Variants in PI4KA observed in about 807,000 individuals in gnomAD.
PI4KA encodes the protein phosphatidylinositol 4-kinase alpha, also known as PI4-kinase alpha.
PI4KA carries 122 observed loss-of-function variants against 271.4 expected under a neutral mutation model. The observed-to-expected ratio is 0.45, with a 90% CI of 0.39 to 0.52. The LOEUF (loss-of-function observed/expected upper bound fraction) is 0.52, where lower values mean the gene tolerates loss of function less well. PI4KA is among the 20% of genes least tolerant of loss of function. The pLI, the probability that PI4KA is intolerant of heterozygous loss-of-function variation, is 0.00. For missense variants in PI4KA, 1,969 were observed against 2,769.1 expected (o/e 0.71, Z 6.48); for synonymous variants, 1,041 against 1,078.8 (o/e 0.96, Z 0.69).
At chr22:20,790,885 T>A (rs1474148103) in intron 19 of PI4KA, among the ~76,000 whole-genome samples, 1 of 152,120 alleles carries the variant, frequency 6.6e-6, no homozygotes, top group Admixed American at 6.5e-5. Context: ...AATATAACCA[T>A]TAACTTTCAC....
rs1307642568 is a variant in PI4KA at position 20,803,333 on chromosome 22, A to G, written c.1462-13T>C. ...GGCGGCCCAAACCCTGCAACACACCATCAACCTGTCACATGGCCTGTGGTA... is the reference window on the plus strand; with the variant it reads ...GGCGGCCCAAACCCTGCAACACACCGTCAACCTGTCACATGGCCTGTGGTA... On this transcript the variant is annotated splice_polypyrimidine_tract_variant and intron_variant, in intron 12 of 54. Transcript: ENST00000255882. The G allele has an allele frequency of 6.2e-7, 1 of 1,613,846 alleles. No homozygotes were observed. Among genetic ancestry groups the G allele is most frequent in the Non-Finnish European group, 8.5e-7 (1 of 1,179,832 alleles).
At chr22:20,716,777 C>T (rs957849663) in intron 45 of PI4KA, among the ~76,000 whole-genome samples, 2 of 152,240 alleles carry the variant, frequency 1.3e-5, no homozygotes, top group African/African-American at 4.8e-5. Context: ...AACAGAGGCC[C>T]TGCATACATG....
chr22:20,749,769 C>T (rs927781756), intron 28 of PI4KA, 136 bp downstream of exon 28: 4 of 643,748 alleles, frequency 6.2e-6, no homozygotes, highest in South Asian at 5.3e-5. Flanking sequence ...ATCTATTATT[C>T]TCAGGCCCTA....
At chr22:20,792,456 C>T (rs1449818348) in intron 19 of PI4KA, among the ~76,000 whole-genome samples, 1 of 152,160 alleles carries the variant, frequency 6.6e-6, no homozygotes, top group Non-Finnish European at 1.5e-5. Flanking sequence ...GTGCTCAAGA[C>T]TCAAACTACT....
intron 3 of PI4KA, among the ~76,000 whole-genome samples, chr22:20,833,182 A>C (rs1289558547): frequency 6.6e-6 from 1 of 152,008 alleles, no homozygotes; most frequent in Non-Finnish European, 1.5e-5. Flanking sequence ...CTCCTGGGCT[A>C]TGTCCTCCAA....
chr22:20,838,167 T>C (rs1925118409), intron 2 of PI4KA, among the ~76,000 whole-genome samples: 1 of 151,768 alleles, frequency 6.6e-6, no homozygotes. Context: ...TAAAAGTTTA[T>C]ATACATAATC....
chr22:20,857,016 T>C (rs879916664), intron 1 of PI4KA, among the ~76,000 whole-genome samples: 2 of 152,268 alleles, frequency 1.3e-5, no homozygotes, highest in Non-Finnish European at 2.9e-5. Context: ...GCGAATGTGC[T>C]GACTAGCTAG....
At chr22:20,769,409 C>A (rs1932777312) in intron 19 of PI4KA, among the ~76,000 whole-genome samples, 1 of 152,268 alleles carries the variant, frequency 6.6e-6, no homozygotes, top group East Asian at 1.9e-4. Flanking sequence ...GTGGCTCACG[C>A]CTGTAATCCC....
Position 20,858,602 on chromosome 22 carries a change from G to T in PI4KA, c.124C>A (p.Leu42Met), listed in dbSNP as rs1273893171. 1.4e-6 allele frequency: 2 copies of T among 1,476,052 alleles called. No homozygotes were observed. The highest frequency in any genetic ancestry group is 2.9e-5 in the East Asian group (1 of 34,456). 91.4% of individuals were successfully genotyped at this position (1,476,052 alleles called of 1,614,324 possible). A position where few individuals can be genotyped will look rare whatever the true frequency, so the allele number is the denominator to read the frequency against. Residue 42 changes from leucine (L) to methionine (M), a missense_variant, in exon 1 of 55, where the codon CTG becomes ATG. This residue lies in a region of PI4KA where 540 missense variants were observed against 555.5 expected (regional missense o/e 0.97). Coordinates refer to ENST00000255882, the MANE Select transcript of PI4KA (RefSeq NM_058004.4). ...FNTVLSLARSLAVQRPASLEK... is the reference protein window; with the variant it reads ...FNTVLSLARSMAVQRPASLEK... Reference sequence around the variant, plus strand: ...AAGGATGCTGGTCTCTGCACCGCCAGGGAGCGGGCCAGTGACAGGACCGTG... The same window carrying T: ...AAGGATGCTGGTCTCTGCACCGCCATGGAGCGGGCCAGTGACAGGACCGTG...
At chr22:20,805,284 A>ACTTTT in intron 10 of PI4KA, 119 bp from the exon 11 acceptor site, 3 of 689,842 alleles carry the variant, frequency 4.3e-6, no homozygotes, top group Non-Finnish European at 4.9e-6. Context: ...AGCATTTGCT[A>ACTTTT]CTGGCCACTG....
chr22:20,739,037 CAAAAAA>C (rs1214493282), intron 32 of PI4KA, among the ~76,000 whole-genome samples: 1 of 45,616 alleles, frequency 2.2e-5, no homozygotes, highest in Non-Finnish European at 4.1e-5. Context: ...GACTCAGTCA[CAAAAAA>C]AAAAAAAAAA....
chr22:20,751,475 C>T, intron 26 of PI4KA, 99 bp from the exon 27 acceptor site: 1 of 1,134,788 alleles, frequency 8.8e-7, no homozygotes, highest in Non-Finnish European at 1.3e-6. Flanking sequence ...CTGTCTGTGA[C>T]AGGCCTCCAT....
intron 2 of PI4KA, among the ~76,000 whole-genome samples, chr22:20,836,084 C>CAAAACAAAA (rs760404845): frequency 6.6e-6 from 1 of 151,466 alleles, no homozygotes; most frequent in East Asian, 2.0e-4. Flanking sequence ...CAAAACAAAA[C>CAAAACAAAA]AAAAAACAAC....
intron 48 of PI4KA, 102 bp from the exon 49 acceptor site, chr22:20,712,899 T>G: frequency 6.5e-7 from 1 of 1,540,126 alleles, no homozygotes. Flanking sequence ...AGAGATGGAG[T>G]GAGGTGGGGA....
chr22:20,824,320 G>A lies in PI4KA; in HGVS notation c.456+6C>T, dbSNP rs376911740. 9 of 1,583,408 alleles carry A rather than the reference G, an allele frequency of 5.7e-6. No homozygotes were observed. Among genetic ancestry groups the A allele is most frequent in the Non-Finnish European group, 7.8e-6 (9 of 1,152,166 alleles). ...ATGCATACCAAATCAACCAACACAT[G>A]CTTACCTCATCCCTAAGTGAAGGAT... On this transcript the variant is annotated splice_donor_region_variant and intron_variant, in intron 4 of 54. Transcript: ENST00000255882.
At position 20,707,958 on chromosome 22, in the gene PI4KA, G is replaced by A. The variant is rs1250688324; in HGVS notation, c.*89C>T. On this transcript the variant is annotated 3_prime_UTR_variant, in exon 55 of 55. Coordinates refer to ENST00000255882, the MANE Select transcript of PI4KA (RefSeq NM_058004.4). ...GCCACAGGCCTCTCCTCCACTGCAT[G>A]TGGCGGCAGGGCAGGGAGGTCGCAG... is the stretch of plus-strand genomic sequence containing the variant. The A allele has an allele frequency of 1.3e-5, 15 of 1,151,142 alleles. No homozygotes were observed. In the South Asian group the frequency reaches 1.6e-4, roughly 12 times the overall value. The allele number at this position is 1,151,142 out of a possible 1,614,324, so 71.3% of individuals were successfully genotyped here.
At chr22:20,812,296 T>C (rs1921146748) in intron 8 of PI4KA, among the ~76,000 whole-genome samples, 2 of 152,208 alleles carry the variant, frequency 1.3e-5, no homozygotes, top group Non-Finnish European at 2.9e-5. Flanking sequence ...CCATCCTCAT[T>C]AATTATTACC....
At chr22:20,853,955 T>C (rs889791378) in intron 1 of PI4KA, among the ~76,000 whole-genome samples, 4 of 142,686 alleles carry the variant, frequency 2.8e-5, no homozygotes, top group Non-Finnish European at 3.0e-5. Context: ...TGGTATTTCA[T>C]TGGTTCATTA....
chr22:20,732,488 C>T (rs1409477848), intron 36 of PI4KA, among the ~76,000 whole-genome samples: 1 of 152,228 alleles, frequency 6.6e-6, no homozygotes, highest in Non-Finnish European at 1.5e-5. Flanking sequence ...AGACTCAGCT[C>T]AACTGTCTCT....
Sources: allele counts gnomAD v4.1 joint callset (sites outside exome capture counted in the v4.1 genomes callset), GRCh38; gene constraint gnomAD v4.1.1; regional missense constraint gnomAD v4.1.1; transcripts MANE v1.5; gene names NCBI Gene and HGNC (gene_info 2026-07-23, HGNC 2026-07-21).